Variants in ARID4B observed in about 807,000 individuals in gnomAD.
The protein encoded by ARID4B is AT-rich interactive domain-containing protein 4B.
A neutral mutation model predicts 147.5 loss-of-function variants in ARID4B; 26 were observed. That is an observed-to-expected ratio of 0.18 (90% CI 0.13 to 0.24). ARID4B has a LOEUF of 0.24. Among genes scored for constraint, ARID4B ranks in the 10% least tolerant of loss-of-function variants. The probability of loss-of-function intolerance (pLI) is 1.00; values close to 1 mark genes in which losing one functional copy is unlikely to be tolerated. For synonymous variants in ARID4B, 512 were observed against 507.9 expected (o/e 1.01, Z -0.11); for missense variants, 1,179 against 1,511.5 (o/e 0.78, Z 3.65).
At chr1:235,256,455 C>CTT (rs1572091976) in intron 4 of ARID4B, among the ~76,000 whole-genome samples, 2 of 152,266 alleles carry the variant, frequency 1.3e-5, no homozygotes, top group East Asian at 3.9e-4. Context: ...CTGGGGTTTC[C>CTT]TTTTGGCCCT....
Position 235,182,660 on chromosome 1 carries a change from T to G in ARID4B, c.2259A>C (p.Glu753Asp), listed in dbSNP as rs1479660194. 6.2e-7 allele frequency: 1 copy of G among 1,613,914 alleles called. No homozygotes were observed. The highest frequency in any genetic ancestry group is 8.5e-7 in the Non-Finnish European group (1 of 1,180,020). ...NNRNDLISKEEQNSSSLLEEN... is the reference protein window; with the variant it reads ...NNRNDLISKEDQNSSSLLEEN... Reference sequence around the variant, plus strand: ...CTTCTAGCAAAGATGAACTGTTCTGTTCCTCCTTTGAAATAAGATCATTTC... The same window carrying G: ...CTTCTAGCAAAGATGAACTGTTCTGGTCCTCCTTTGAAATAAGATCATTTC... The change falls in exon 20 of 24, where the codon GAA becomes GAC. Residue 753 changes from glutamate (E) to aspartate (D), a missense_variant. Transcript: ENST00000264183.
At chr1:235,196,563 C>T (rs886728524) in intron 17 of ARID4B, among the ~76,000 whole-genome samples, 36 of 151,944 alleles carry the variant, frequency 2.4e-4, no homozygotes, top group Admixed American at 1.4e-3. Flanking sequence ...AGAAAAGCAC[C>T]GTATTACAGC....
rs748378633 is a variant in ARID4B at position 235,182,433 on chromosome 1, T to C, written c.2486A>G (p.Asn829Ser). The change falls in exon 20 of 24, where the codon AAT becomes AGT. Residue 829 changes from asparagine (N) to serine (S), a missense_variant. This residue lies in a region of ARID4B where 321 missense variants were observed against 342.4 expected (regional missense o/e 0.94). Coordinates refer to ENST00000264183, the MANE Select transcript of ARID4B (RefSeq NM_016374.6). ...QIKRGKRRYC[N>S]TEECLKTGSP... The stretch of plus-strand genomic sequence containing the variant: ...TCCAGTTTTTAGACACTCTTCTGTA[T>C]TGCAATACCTTCTTTTACCACGTTT... 3.7e-6 allele frequency: 6 copies of C among 1,611,786 alleles called. No individual in the cohort carries two copies. The highest frequency in any genetic ancestry group is 1.7e-5 in the Admixed American group (1 of 59,476).
At chr1:235,295,843 T>G (rs1038883203) in intron 2 of ARID4B, 14 of 150,328 alleles carry the variant, frequency 9.3e-5, no homozygotes, top group East Asian at 3.9e-4. Flanking sequence ...TAAAAGAAGT[T>G]ACATGGCTGT....
chr1:235,187,650 T>C (rs957498892), intron 19 of ARID4B, among the ~76,000 whole-genome samples: 3 of 152,190 alleles, frequency 2.0e-5, no homozygotes, highest in Non-Finnish European at 4.4e-5. Flanking sequence ...GACAAGAGGA[T>C]AGAATCTTAG....
chr1:235,254,819 CAT>C (rs1669849615), intron 5 of ARID4B, among the ~76,000 whole-genome samples: 1 of 151,852 alleles, frequency 6.6e-6, no homozygotes, highest in African/African-American at 2.4e-5. Flanking sequence ...TTTCAATAAA[CAT>C]ATGAAAAGAT....
At chr1:235,311,471 C>T (rs1674048173) in intron 2 of ARID4B, among the ~76,000 whole-genome samples, 1 of 151,732 alleles carries the variant, frequency 6.6e-6, no homozygotes, top group African/African-American at 2.4e-5. Context: ...TAGTACTAGG[C>T]ATCCAAATAA....
Position 235,308,083 on chromosome 1 carries a change from A to ATT in ARID4B, c.6+18829_6+18830dup, listed in dbSNP as rs368457519. The stretch of plus-strand genomic sequence containing the variant: ...ATGTTTTTTCATATGATTTCTTCTA[A>ATT]TTTTTTTTTTTTTTTTTTTTTTGGA... On this transcript the variant is annotated intron_variant, in intron 2 of 23. Transcript: ENST00000264183. 1.3e-3 allele frequency among the ~76,000 whole-genome samples: 134 copies of ATT among 102,758 alleles called. 1 individual carries two copies. Among genetic ancestry groups the ATT allele is most frequent in the African/African-American group, 2.8e-3 (76 of 26,974 alleles). 67.4% of individuals were successfully genotyped at this position (102,758 alleles called of 152,430 possible). A position where few individuals can be genotyped will look rare whatever the true frequency, so the allele number is the denominator to read the frequency against.
intron 7 of ARID4B, among the ~76,000 whole-genome samples, chr1:235,241,044 T>C (rs1269971759): frequency 6.6e-6 from 1 of 152,178 alleles, no homozygotes; most frequent in Non-Finnish European, 1.5e-5. Context: ...ATCCTTTCAG[T>C]AACATTAAAT....
intron 2 of ARID4B, among the ~76,000 whole-genome samples, chr1:235,308,060 G>GT (rs1248548677): frequency 1.5e-5 from 2 of 134,166 alleles, no homozygotes; most frequent in African/African-American, 2.8e-5. Flanking sequence ...TCATTTTTAT[G>GT]TTTTTTCATA....
At chr1:235,180,772 T>C (rs1664259733) in intron 20 of ARID4B, 1 of 152,242 alleles carries the variant, frequency 6.6e-6, no homozygotes, top group African/African-American at 2.4e-5. Flanking sequence ...ATAAAAAACA[T>C]ACTCCAGTGC....
intron 2 of ARID4B, among the ~76,000 whole-genome samples, chr1:235,288,408 C>CACTT (rs1223243731): frequency 6.6e-6 from 1 of 152,124 alleles, no homozygotes; most frequent in East Asian, 1.9e-4. Context: ...TCCAGACCTT[C>CACTT]ACTTACATAC....
At chr1:235,284,696 A>G (rs944817923) in intron 2 of ARID4B, among the ~76,000 whole-genome samples, 1 of 152,104 alleles carries the variant, frequency 6.6e-6, no homozygotes, top group African/African-American at 2.4e-5. Context: ...TCATTCTACA[A>G]AGCCAGCATT....
chr1:235,175,994 G>A (rs765806980), intron 21 of ARID4B, among the ~76,000 whole-genome samples: 1 of 152,256 alleles, frequency 6.6e-6, no homozygotes, highest in African/African-American at 2.4e-5. Context: ...TAACAATTAT[G>A]TTACAACTGC....
intron 20 of ARID4B, 56 bp from the exon 21 acceptor site, chr1:235,177,969 T>C: frequency 1.0e-6 from 1 of 985,368 alleles, no homozygotes; most frequent in South Asian, 1.7e-5. Context: ...TCCCTAAGTA[T>C]AAATTAATTC....
chr1:235,294,275 G>A (rs1044331877), intron 2 of ARID4B, among the ~76,000 whole-genome samples: 15 of 148,862 alleles, frequency 1.0e-4, no homozygotes, highest in Non-Finnish European at 1.9e-4. Context: ...GTTACTGATA[G>A]GATATGGGCA....
intron 2 of ARID4B, among the ~76,000 whole-genome samples, chr1:235,319,848 G>C (rs190474712): frequency 6.6e-6 from 1 of 151,946 alleles, no homozygotes; most frequent in Non-Finnish European, 1.5e-5. Flanking sequence ...AAAAAAAAAG[G>C]CCGGGCGAGG....
intron 6 of ARID4B, 144 bp from the exon 7 acceptor site, chr1:235,246,655 A>G (rs1362601794): frequency 1.7e-6 from 1 of 581,346 alleles, no homozygotes; most frequent in Non-Finnish European, 3.1e-6. Flanking sequence ...TTTCCTAAAG[A>G]TAGAAAATTC....
At chr1:235,205,315 G>A (rs369220900) in intron 17 of ARID4B, among the ~76,000 whole-genome samples, 1 of 152,040 alleles carries the variant, frequency 6.6e-6, no homozygotes, top group East Asian at 1.9e-4. Flanking sequence ...ATTTTTTAAG[G>A]ACAAAAGGAG....
Sources: allele counts gnomAD v4.1 joint callset (sites outside exome capture counted in the v4.1 genomes callset), GRCh38; gene constraint gnomAD v4.1.1; regional missense constraint gnomAD v4.1.1; transcripts MANE v1.5; gene names NCBI Gene and HGNC (gene_info 2026-07-23, HGNC 2026-07-21).